STK3: variants seen among roughly 807,000 people sequenced by gnomAD.
The protein encoded by STK3 is serine/threonine kinase 3.
In STK3, 41 loss-of-function variants were observed where a neutral mutation model predicts 58.0. That is an observed-to-expected ratio of 0.71 (90% CI 0.55 to 0.92). The LOEUF is 0.92. STK3 is among the 40% of genes least tolerant of loss of function. The probability of loss-of-function intolerance (pLI) is 0.00; values close to 1 mark genes in which losing one functional copy is unlikely to be tolerated. For synonymous variants in STK3, 170 were observed against 191.0 expected (o/e 0.89, Z 0.91); for missense variants, 479 against 602.7 (o/e 0.79, Z 2.15).
chr8:98,534,325 C>T lies in STK3; in HGVS notation c.1142-7408G>A, dbSNP rs539650764. 4.8e-4 allele frequency among the ~76,000 whole-genome samples: 73 copies of T among 152,172 alleles called. 1 individual carries two copies. In the Middle Eastern group the frequency reaches 0.01, roughly 21 times the overall value. ...ATGAAATTTAAGATAGTATAAAACA[C>T]CAATATTTGTGGTAAACCTTTAGAA... On this transcript the variant is annotated intron_variant, in intron 9 of 10. Transcript: ENST00000419617.
chr8:98,613,399 T>C (rs898749708), intron 6 of STK3, among the ~76,000 whole-genome samples: 2 of 152,102 alleles, frequency 1.3e-5, no homozygotes, highest in Admixed American at 1.3e-4. Flanking sequence ...AAAAAAGACA[T>C]GTCAGAAGTA....
At chr8:98,696,720 G>C (rs916999089) in intron 6 of STK3, among the ~76,000 whole-genome samples, 7 of 152,134 alleles carry the variant, frequency 4.6e-5, no homozygotes, top group African/African-American at 1.7e-4. Flanking sequence ...CTTGATCATG[G>C]TGGATAAGCT....
intron 3 of STK3, among the ~76,000 whole-genome samples, chr8:98,868,644 A>G (rs72668419): frequency 0.045 from 6,900 of 152,256 alleles, 180 homozygotes; most frequent in South Asian, 0.068. Context: ...AAAAAGATGT[A>G]TCCATTTGGA....
intron 1 of STK3, among the ~76,000 whole-genome samples, chr8:98,923,979 T>C (rs1839688172): frequency 6.6e-6 from 1 of 151,980 alleles, no homozygotes; most frequent in South Asian, 2.1e-4. Context: ...TTTAGATTCA[T>C]GATATTAAAA....
intron 1 of STK3, chr8:98,905,216 TC>T: frequency 1.1e-6 from 1 of 932,992 alleles, no homozygotes. Context: ...CAGTCCGAAG[TC>T]GGGCTTGTGG....
At chr8:98,861,038 G>A (rs1587764247) in intron 3 of STK3, among the ~76,000 whole-genome samples, 1 of 152,038 alleles carries the variant, frequency 6.6e-6, no homozygotes, top group South Asian at 2.1e-4. Flanking sequence ...CCAGCCTGGG[G>A]GACAGAGCAA....
At chr8:98,869,078 G>C (rs986440643) in intron 3 of STK3, among the ~76,000 whole-genome samples, 4 of 133,414 alleles carry the variant, frequency 3.0e-5, no homozygotes, top group Non-Finnish European at 6.4e-5. Flanking sequence ...AAGGAAGGAA[G>C]GAAGGAGAGA....
At chr8:98,684,983 GT>G (rs1437400320) in intron 6 of STK3, among the ~76,000 whole-genome samples, 2 of 152,124 alleles carry the variant, frequency 1.3e-5, no homozygotes, top group Non-Finnish European at 2.9e-5. Flanking sequence ...GTGTGTGTCT[GT>G]ACACATGTGC....
chr8:98,791,100 C>G (rs961679175), intron 1 of STK3, among the ~76,000 whole-genome samples: 7 of 152,074 alleles, frequency 4.6e-5, no homozygotes, highest in Non-Finnish European at 8.8e-5. Context: ...GCTCCTAGAA[C>G]TGATAAAAGA....
chr8:98,422,612 A>G (rs117025075), intron 3 of STK3, among the ~76,000 whole-genome samples: 4,684 of 152,330 alleles, frequency 0.031, 119 homozygotes, highest in South Asian at 0.054. Context: ...CAGGCACAGG[A>G]AACCGTCTGG....
chr8:98,676,079 C>T (rs1334533932), intron 6 of STK3, among the ~76,000 whole-genome samples: 3 of 152,162 alleles, frequency 2.0e-5, no homozygotes, highest in African/African-American at 7.2e-5. Flanking sequence ...ACCTTGAATA[C>T]ATTGTGCTAT....
chr8:98,459,292 T>C (rs925519819), intron 10 of STK3, among the ~76,000 whole-genome samples: 3 of 152,180 alleles, frequency 2.0e-5, no homozygotes, highest in Admixed American at 2.0e-4. Context: ...AAAGAGATGA[T>C]AGGGTATCTG....
intron 8 of STK3, among the ~76,000 whole-genome samples, chr8:98,555,404 T>C (rs1338272600): frequency 1.3e-5 from 2 of 152,128 alleles, no homozygotes; most frequent in Non-Finnish European, 2.9e-5. Flanking sequence ...GTTTAGAATA[T>C]AAAAATAGAA....
intron 10 of STK3, among the ~76,000 whole-genome samples, chr8:98,512,665 T>C (rs1306534770): frequency 6.6e-6 from 1 of 152,192 alleles, no homozygotes; most frequent in African/African-American, 2.4e-5. Context: ...GTCTGGTCCA[T>C]GTGATTACAT....
intron 6 of STK3, among the ~76,000 whole-genome samples, chr8:98,673,858 T>C (rs1387313516): frequency 6.6e-6 from 1 of 152,072 alleles, no homozygotes; most frequent in Non-Finnish European, 1.5e-5. Flanking sequence ...ACAAAATGAG[T>C]TCAGTAAATG....
chr8:98,419,453 C>T (rs913236026), intron 3 of STK3, among the ~76,000 whole-genome samples: 27 of 152,170 alleles, frequency 1.8e-4, no homozygotes, highest in Non-Finnish European at 8.8e-5. Context: ...GGAATGGCAC[C>T]CTTCTAAAAT....
chr8:98,895,977 C>A (rs952223209), intron 1 of STK3, among the ~76,000 whole-genome samples: 4 of 152,032 alleles, frequency 2.6e-5, no homozygotes, highest in Non-Finnish European at 5.9e-5. Flanking sequence ...AAATTTATAG[C>A]CTAGATGATA....
rs777023241 is a variant in STK3, at chr8:98,706,518, A to G, written c.633T>C (p.Ser211=). The G allele has an allele frequency of 3.7e-6, 6 of 1,613,812 alleles. No individual in the cohort carries two copies. The highest frequency in any genetic ancestry group is 1.7e-5 in the Admixed American group (1 of 59,966). The change falls in exon 6 of 11, where the codon TCT becomes TCC. Residue 211 remains serine (S), a synonymous_variant. Transcript: ENST00000419617. ...GAGGTTTTCCTTCAGCCATTTCTATAGAAGTAATGCCAAGGGACCAGATGT... is the reference window on the plus strand; with the variant it reads ...GAGGTTTTCCTTCAGCCATTTCTATGGAAGTAATGCCAAGGGACCAGATGT... ...VADIWSLGIT[S]IEMAEGKPPY...
chr8:98,893,466 G>T (rs1587812340), intron 1 of STK3, among the ~76,000 whole-genome samples: 2 of 84,674 alleles, frequency 2.4e-5, no homozygotes, highest in Admixed American at 2.7e-4. Flanking sequence ...AAGAAAGAAA[G>T]AAAGAAAGAA....
Sources: gnomAD v4.1 joint callset for allele counts (sites outside exome capture counted in the v4.1 genomes callset) on GRCh38, gnomAD v4.1.1 for gene constraint, MANE v1.5 for transcripts, NCBI Gene and HGNC (gene_info 2026-07-23, HGNC 2026-07-21) for gene names.